DGKH: variants seen among roughly 807,000 people sequenced by gnomAD.
DGKH encodes diacylglycerol kinase eta, also known as DAG kinase eta.
A neutral mutation model predicts 159.3 loss-of-function variants in DGKH; 90 were observed. The observed-to-expected ratio is 0.57, with a 90% CI of 0.48 to 0.67. DGKH has a LOEUF of 0.67. Ranked by LOEUF, DGKH falls within the 30% of genes least tolerant of loss-of-function variation. The pLI is 0.00. For missense variants in DGKH, 1,181 were observed against 1,506.1 expected, an observed-to-expected ratio of 0.78 and a Z score of 3.57; for synonymous variants, 536 against 553.8, an observed-to-expected ratio of 0.97 and a Z score of 0.45.
At chr13:42,155,422 C>G in intron 4 of DGKH, 27 bp downstream of exon 4, 1 of 1,594,132 alleles carries the variant, frequency 6.3e-7, no homozygotes, top group East Asian at 2.2e-5. Flanking sequence ...TCTTTCATCT[C>G]GTGTTCTTAG....
chr13:42,114,780 A>G (rs1861878363), intron 1 of DGKH, among the ~76,000 whole-genome samples: 1 of 152,224 alleles, frequency 6.6e-6, no homozygotes, highest in Admixed American at 6.5e-5. Flanking sequence ...CATTTTCTTT[A>G]TGTGGTTAAA....
At chr13:42,044,371 T>C (rs548732665), upstream of DGKH, 5 of 152,066 alleles carry the variant, frequency 3.3e-5, no homozygotes, top group East Asian at 9.7e-4. Context: ...CCATCTTGGC[T>C]CACTGCAACC....
At position 42,214,608 on chromosome 13, in the gene DGKH, C is replaced by T. The variant is rs772010308; in HGVS notation, c.3116C>T (p.Pro1039Leu). The change falls in exon 25 of 30, where the codon CCG becomes CTG. Residue 1039 changes from proline to leucine, a missense_variant. By Grantham distance (98) the Pro-to-Leu change is moderately conservative. Transcript: ENST00000337343. ...HALNKANPRC[P>L]ESLTRDTATE... is the part of the protein sequence containing the mutation. ...CTGAATAAAGCCAACCCAAGGTGCC[C>T]GGAGGTGAGGATCTAATGGTAAATT... 4.8e-5 allele frequency: 78 copies of T among 1,612,698 alleles called. No individual in the cohort carries two copies. The Middle Eastern group carries it at 2.0e-3, about 41-fold the overall frequency.
intron 3 of DGKH, among the ~76,000 whole-genome samples, chr13:42,137,259 C>A (rs1955420105): frequency 6.6e-6 from 1 of 152,198 alleles, no homozygotes; most frequent in Non-Finnish European, 1.5e-5. Flanking sequence ...TGAATGCACA[C>A]ACACAAAAGG....
At chr13:42,204,084 T>G (rs1379728706) in intron 20 of DGKH, among the ~76,000 whole-genome samples, 4 of 152,222 alleles carry the variant, frequency 2.6e-5, no homozygotes, top group Non-Finnish European at 5.9e-5. Context: ...GACTTCTTTC[T>G]GAAAATCTTC....
At chr13:42,227,096 G>A (rs115152522) in intron 29 of DGKH, among the ~76,000 whole-genome samples, 1 of 151,960 alleles carries the variant, frequency 6.6e-6, no homozygotes, top group African/African-American at 2.4e-5. Flanking sequence ...ACATACACTG[G>A]GTCCTGTTGT....
Position 42,165,430 on chromosome 13 carries a change from G to A in DGKH, c.955G>A (p.Asp319Asn), listed in dbSNP as rs562550662. ...AATTGCACTAAACAGCACCGATTCCGATGGTATGTAGCAGTAGTGTAAGTA... is the reference window on the plus strand; with the variant it reads ...AATTGCACTAAACAGCACCGATTCCAATGGTATGTAGCAGTAGTGTAAGTA... ...PPIALNSTDS[D>N]GFCRATFSFC... Residue 319 changes from aspartate to asparagine, a missense_variant, in exon 8 of 30, where the codon GAT becomes AAT. By Grantham distance (23) the Asp-to-Asn change is conservative. Coordinates refer to ENST00000337343, the MANE Select transcript of DGKH (RefSeq NM_178009.5). 9 of 1,543,836 alleles carry A rather than the reference G, an allele frequency of 5.8e-6. No individual in the cohort carries two copies. Among genetic ancestry groups the A allele is most frequent in the Admixed American group, 1.9e-5 (1 of 51,678 alleles).
intron 3 of DGKH, among the ~76,000 whole-genome samples, chr13:42,147,633 A>C (rs750368700): frequency 2.0e-5 from 3 of 152,238 alleles, no homozygotes; most frequent in Admixed American, 6.5e-5. Flanking sequence ...GAAAATATTA[A>C]ATGAATGGTA....
chr13:42,142,128 C>T (rs192228584), intron 3 of DGKH, among the ~76,000 whole-genome samples: 13,967 of 151,860 alleles, frequency 0.092, 1,483 homozygotes, highest in African/African-American at 0.26. Flanking sequence ...AGCCAGTTTT[C>T]CCAGCACCAT....
intron 1 of DGKH, among the ~76,000 whole-genome samples, chr13:42,123,897 T>C (rs1355640774): frequency 6.6e-6 from 1 of 152,162 alleles, no homozygotes; most frequent in African/African-American, 2.4e-5. Flanking sequence ...CAGGTAGTGA[T>C]TATAAAGGGA....
chr13:42,138,162 A>T (rs762945682), intron 3 of DGKH: 123 of 954,554 alleles, frequency 1.3e-4, no homozygotes, highest in Non-Finnish European at 1.5e-4. Context: ...TAGATGGCTA[A>T]TAGCAGGGCA....
chr13:42,162,765 T>C (rs2137989702), intron 7 of DGKH, among the ~76,000 whole-genome samples: 1 of 151,944 alleles, frequency 6.6e-6, no homozygotes, highest in Non-Finnish European at 1.5e-5. Flanking sequence ...GATTGCGCCA[T>C]TGCACTCCAG....
In DGKH at chr13:42,144,822, T is replaced by C. The variant is rs577176575; in HGVS notation, c.385-10469T>C. ...AACACATTGTTATACCTCACAGATT[T>C]TGGTTCCATTAGACAGTAAAATCAC... On this transcript the variant is annotated intron_variant, in intron 3 of 29. Transcript: ENST00000337343. Among the ~76,000 whole-genome samples, 3 of 152,348 alleles carry C rather than the reference T, an allele frequency of 2.0e-5. No individual in the cohort carries two copies. The South Asian group carries it at 6.2e-4, about 32-fold the overall frequency.
intron 24 of DGKH, among the ~76,000 whole-genome samples, chr13:42,212,274 C>T (rs980628666): frequency 1.3e-5 from 2 of 152,264 alleles, no homozygotes; most frequent in South Asian, 2.1e-4. Flanking sequence ...GCATACACCC[C>T]CTACTGCTGG....
At position 42,250,935 on chromosome 13, in the gene DGKH, G is replaced by A. The variant is rs568192657; in HGVS notation, n.4055-1474G>A. 3.9e-5 allele frequency among the ~76,000 whole-genome samples: 6 copies of A among 152,144 alleles called. No individual in the cohort carries two copies. In the East Asian group the frequency reaches 5.8e-4, roughly 15 times the overall value. The stretch of plus-strand genomic sequence containing the variant: ...GGAAATGATATTATTAAAGCATATC[G>A]GCTGATTTGAAAGTGATTACAGCAT... On this transcript the variant is annotated intron_variant and non_coding_transcript_variant, in intron 29 of 30. Coordinates refer to the DGKH transcript ENST00000498255.
Position 42,159,879 on chromosome 13 carries a change from G to A in DGKH, c.730-132G>A, listed in dbSNP as rs1956135684. On this transcript the variant is annotated intron_variant, in intron 6 of 29. Coordinates refer to ENST00000337343, the MANE Select transcript of DGKH (RefSeq NM_178009.5). ...CATAATAGATGCTCAATAAACGTGG[G>A]GTAAATGAGTGAATGCTATGCATGA... 1.5e-5 allele frequency: 19 copies of A among 1,297,630 alleles called. No homozygotes were observed. The South Asian group carries it at 2.5e-4, about 17-fold the overall frequency. 80.4% of individuals were successfully genotyped at this position (1,297,630 alleles called of 1,614,324 possible). A position where few individuals can be genotyped will look rare whatever the true frequency, so the allele number is the denominator to read the frequency against.
At chr13:42,059,914 T>TC (rs1467573655) in intron 1 of DGKH, among the ~76,000 whole-genome samples, 1 of 150,934 alleles carries the variant, frequency 6.6e-6, no homozygotes, top group East Asian at 1.9e-4. Context: ...TCTTTTTTTT[T>TC]TTTTTTATAT....
chr13:42,164,258 T>A (rs1023541197), intron 7 of DGKH, among the ~76,000 whole-genome samples: 3 of 152,208 alleles, frequency 2.0e-5, no homozygotes, highest in Non-Finnish European at 4.4e-5. Flanking sequence ...AAGATATAAT[T>A]TGATCATCTG....
At chr13:42,127,412 T>A (rs1462035259) in intron 1 of DGKH, 51 bp from the exon 2 acceptor site, 1 of 1,328,346 alleles carries the variant, frequency 7.5e-7, no homozygotes, top group Admixed American at 1.8e-5. Context: ...GAATTTCATT[T>A]GGTTTTGAAT....
Sources: allele counts gnomAD v4.1 joint callset (sites outside exome capture counted in the v4.1 genomes callset), GRCh38; gene constraint gnomAD v4.1.1; transcripts MANE v1.5; gene names NCBI Gene and HGNC (gene_info 2026-07-23, HGNC 2026-07-21).